Variants in VCF1 observed in about 807,000 individuals in gnomAD.
The protein encoded by VCF1 is VCP nuclear cofactor family member 1.
At chr17:73,212,883 T>A in the VCF1 span, 2 of 493,408 alleles carry the variant, frequency 4.1e-6, no homozygotes, top group South Asian at 8.5e-5. Context: ...TAGGGAAGAT[T>A]TCTGTACATA....
the VCF1 span, among the ~76,000 whole-genome samples, chr17:73,210,492 T>G: frequency 7.3e-6 from 1 of 137,718 alleles, no homozygotes; most frequent in Non-Finnish European, 1.6e-5. Context: ...GCAGTTCATG[T>G]TTTAAAAAAA....
the VCF1 span, among the ~76,000 whole-genome samples, chr17:73,231,076 T>C: frequency 1.1e-3 from 174 of 152,314 alleles, 1 homozygote; most frequent in African/African-American, 3.9e-3. Flanking sequence ...TAGTCCACTC[T>C]TCTTTTCTAT....
At chr17:73,208,146 T>C in the VCF1 span, 1 of 1,512,918 alleles carries the variant, frequency 6.6e-7, no homozygotes, top group Non-Finnish European at 8.8e-7. Context: ...TGCTGTTCCG[T>C]GTCCTCTTCA....
At chr17:73,227,619 T>C in the VCF1 span, 15 of 989,608 alleles carry the variant, frequency 1.5e-5, no homozygotes, top group African/African-American at 2.3e-4. Flanking sequence ...CTCCCTGAAA[T>C]TAGGATTCCG....
the VCF1 span, among the ~76,000 whole-genome samples, chr17:73,227,996 A>G: frequency 6.6e-6 from 1 of 152,218 alleles, no homozygotes; most frequent in Non-Finnish European, 1.5e-5. Flanking sequence ...ATTTTCAGTC[A>G]AATTGCCCGG....
the VCF1 span, among the ~76,000 whole-genome samples, chr17:73,231,850 A>T: frequency 6.6e-6 from 1 of 150,584 alleles, no homozygotes; most frequent in Non-Finnish European, 1.5e-5. Flanking sequence ...GACAGGGGGG[A>T]AAAAAGATGG....
the VCF1 span, chr17:73,208,071 C>T: frequency 1.4e-6 from 2 of 1,405,950 alleles, no homozygotes; most frequent in Admixed American, 2.8e-5. Flanking sequence ...GAGAGAAGTG[C>T]CTGTGTCTAC....
chr17:73,211,234 C>T, the VCF1 span, among the ~76,000 whole-genome samples: 1 of 151,184 alleles, frequency 6.6e-6, no homozygotes, highest in East Asian at 2.0e-4. Flanking sequence ...GGCAGGTGGA[C>T]TGCTTGAGTG....
chr17:73,219,101 G>A, the VCF1 span, among the ~76,000 whole-genome samples: 1 of 144,232 alleles, frequency 6.9e-6, no homozygotes, highest in Non-Finnish European at 1.5e-5. Context: ...TGAGGCAGGC[G>A]AATCGCTTGA....
the VCF1 span, among the ~76,000 whole-genome samples, chr17:73,211,014 A>G: frequency 0.58 from 88,201 of 152,072 alleles, 25,757 homozygotes; most frequent in Non-Finnish European, 0.62. Context: ...TATTCAGCAC[A>G]TGAGAAAGAA....
At chr17:73,210,210 G>A in the VCF1 span, among the ~76,000 whole-genome samples, 1 of 152,068 alleles carries the variant, frequency 6.6e-6, no homozygotes, top group Admixed American at 6.6e-5. Context: ...ATGGCTTCTG[G>A]GTATAAGCGA....
chr17:73,218,895 C>CTAA, the VCF1 span, among the ~76,000 whole-genome samples: 1 of 152,140 alleles, frequency 6.6e-6, no homozygotes, highest in African/African-American at 2.4e-5. Context: ...TGGCGTGCGC[C>CTAA]TGTAGTCCCA....
chr17:73,209,598 G>T, the VCF1 span: 1 of 1,581,930 alleles, frequency 6.3e-7, no homozygotes. Context: ...GGTTGATGTG[G>T]AAGTAGAGGC....
At chr17:73,225,318 TAGAA>T in the VCF1 span, among the ~76,000 whole-genome samples, 120 of 152,308 alleles carry the variant, frequency 7.9e-4, 1 homozygote, top group African/African-American at 2.8e-3. Flanking sequence ...GCACGGATTT[TAGAA>T]AGAGAGTAAA....
the VCF1 span, among the ~76,000 whole-genome samples, chr17:73,223,957 G>A: frequency 1.3e-5 from 2 of 151,560 alleles, no homozygotes; most frequent in Admixed American, 1.3e-4. Flanking sequence ...CTCAGCTTGG[G>A]CAACAGAGGG....
At chr17:73,225,081 G>A in the VCF1 span, among the ~76,000 whole-genome samples, 124 of 74,304 alleles carry the variant, frequency 1.7e-3, no homozygotes, top group African/African-American at 5.5e-3. Context: ...CAGTAAGCAA[G>A]GCTGAAACTA....
chr17:73,227,561 G>A, the VCF1 span: 1 of 882,434 alleles, frequency 1.1e-6, no homozygotes, highest in Non-Finnish European at 1.4e-6. Flanking sequence ...AGAGGTTAAT[G>A]ACTAAGCTTT....
the VCF1 span, among the ~76,000 whole-genome samples, chr17:73,231,899 G>C: frequency 6.6e-6 from 1 of 152,088 alleles, no homozygotes; most frequent in African/African-American, 2.4e-5. Flanking sequence ...TCACCTTCCA[G>C]CTACCCACAG....
the VCF1 span, among the ~76,000 whole-genome samples, chr17:73,212,221 C>A: frequency 6.6e-6 from 1 of 152,060 alleles, no homozygotes; most frequent in Non-Finnish European, 1.5e-5. Flanking sequence ...TTCTTAAAAT[C>A]CTAGTTCTAT....
Sources: gnomAD v4.1 joint callset for allele counts (sites outside exome capture counted in the v4.1 genomes callset) on GRCh38, gnomAD v4.1.1 for gene constraint, MANE v1.5 for transcripts, NCBI Gene and HGNC (gene_info 2026-07-23, HGNC 2026-07-21) for gene names.